Variants in KIAA1217 observed in about 807,000 individuals in gnomAD.
The protein encoded by KIAA1217 is sickle tail protein homolog.
KIAA1217 carries 88 observed loss-of-function variants against 163.9 expected under a neutral mutation model. That is an observed-to-expected ratio of 0.54 (90% CI 0.45 to 0.64). The LOEUF (loss-of-function observed/expected upper bound fraction) is 0.64, where lower values mean the gene tolerates loss of function less well. Among genes scored for constraint, KIAA1217 ranks in the 30% least tolerant of loss-of-function variants. KIAA1217 has a pLI of 0.00. For synonymous variants in KIAA1217, 903 were observed against 923.1 expected, an observed-to-expected ratio of 0.98 and a Z score of 0.39; for missense variants, 2,372 against 2,475.0, an observed-to-expected ratio of 0.96 and a Z score of 0.88.
chr10:24,048,688 C>A (rs887511445), intron 2 of KIAA1217, among the ~76,000 whole-genome samples: 4 of 150,410 alleles, frequency 2.7e-5, no homozygotes, highest in Non-Finnish European at 5.9e-5. Flanking sequence ...CAAGATCATA[C>A]CCCTGCACCC....
At chr10:23,879,285 G>A (rs1185538234) in intron 1 of KIAA1217, among the ~76,000 whole-genome samples, 1 of 151,842 alleles carries the variant, frequency 6.6e-6, no homozygotes, top group Non-Finnish European at 1.5e-5. Flanking sequence ...TTGTGACTTA[G>A]GTTAAGTACC....
intron 1 of KIAA1217, among the ~76,000 whole-genome samples, chr10:23,843,244 A>G (rs1838872945): frequency 6.6e-6 from 1 of 152,198 alleles, no homozygotes; most frequent in Admixed American, 6.6e-5. Context: ...AATTACAGCA[A>G]GGAAATCAAG....
intron 2 of KIAA1217, among the ~76,000 whole-genome samples, chr10:24,159,427 C>T (rs1358031885): frequency 6.6e-6 from 1 of 152,078 alleles, no homozygotes; most frequent in African/African-American, 2.4e-5. Context: ...CCAGCAATTC[C>T]ACTCCTAGGA....
At chr10:24,414,221 G>A (rs1022461772) in intron 3 of KIAA1217, among the ~76,000 whole-genome samples, 3 of 152,160 alleles carry the variant, frequency 2.0e-5, no homozygotes, top group Admixed American at 1.3e-4. Context: ...TGCCACATAG[G>A]TTGAATTATC....
intron 2 of KIAA1217, among the ~76,000 whole-genome samples, chr10:24,111,838 G>A (rs1387822418): frequency 2.0e-5 from 3 of 152,328 alleles, no homozygotes; most frequent in African/African-American, 7.2e-5. Context: ...TGTGAACACA[G>A]TTCACTGCAG....
At chr10:23,720,545 G>T (rs1204594658) in intron 1 of KIAA1217, among the ~76,000 whole-genome samples, 3 of 152,112 alleles carry the variant, frequency 2.0e-5, no homozygotes, top group Admixed American at 2.0e-4. Context: ...GGAGTGGGTG[G>T]CATAAGAGGC....
chr10:23,711,953 TCA>T (rs1209493888), intron 1 of KIAA1217, among the ~76,000 whole-genome samples: 1 of 152,050 alleles, frequency 6.6e-6, no homozygotes, highest in African/African-American at 2.4e-5. Context: ...CCTAAGTGAG[TCA>T]CAGGAGGATG....
At chr10:24,539,948 A>G (rs1017792905) in intron 17 of KIAA1217, among the ~76,000 whole-genome samples, 1 of 152,164 alleles carries the variant, frequency 6.6e-6, no homozygotes, top group African/African-American at 2.4e-5. Context: ...TTGTCTTCAT[A>G]ATCCAAATCC....
At chr10:24,271,735 A>G (rs536822714) in intron 2 of KIAA1217, among the ~76,000 whole-genome samples, 1 of 152,036 alleles carries the variant, frequency 6.6e-6, no homozygotes, top group African/African-American at 2.4e-5. Context: ...CCTGGGTGAC[A>G]GAGTGAGACC....
chr10:24,234,616 G>A (rs2071935763), intron 2 of KIAA1217, among the ~76,000 whole-genome samples: 1 of 136,046 alleles, frequency 7.4e-6, no homozygotes, highest in Non-Finnish European at 1.5e-5. Flanking sequence ...CCGAGATCAT[G>A]CCGCTGCACT....
chr10:23,923,797 T>TTTTTTGTTTG (rs1481444713), intron 1 of KIAA1217, among the ~76,000 whole-genome samples: 1 of 152,168 alleles, frequency 6.6e-6, no homozygotes, highest in African/African-American at 2.4e-5. Context: ...ATCTGAGTGG[T>TTTTTTGTTTG]TTTTTGTTTG....
intron 3 of KIAA1217, among the ~76,000 whole-genome samples, chr10:24,429,274 A>G (rs573754797): frequency 1.3e-5 from 2 of 152,210 alleles, no homozygotes; most frequent in South Asian, 4.1e-4. Flanking sequence ...TGTTTTCCCC[A>G]TCTTCTGGAA....
At chr10:24,480,439 G>A (rs192403814) in intron 6 of KIAA1217, among the ~76,000 whole-genome samples, 2 of 152,318 alleles carry the variant, frequency 1.3e-5, no homozygotes, top group East Asian at 3.9e-4. Flanking sequence ...AACTTGTAAT[G>A]GACTTCCAAG....
intron 2 of KIAA1217, among the ~76,000 whole-genome samples, chr10:24,363,191 A>C (rs1418324771): frequency 6.6e-6 from 1 of 152,232 alleles, no homozygotes; most frequent in South Asian, 2.1e-4. Context: ...GACCGTTTGA[A>C]GTACTGTACG....
chr10:23,766,423 C>T (rs1160630329), intron 1 of KIAA1217, among the ~76,000 whole-genome samples: 3 of 152,242 alleles, frequency 2.0e-5, no homozygotes, highest in South Asian at 4.2e-4. Flanking sequence ...TTTTTCAGTC[C>T]TAATGTTAAC....
At chr10:24,009,287 T>C (rs1294071812) in intron 2 of KIAA1217, among the ~76,000 whole-genome samples, 1 of 152,036 alleles carries the variant, frequency 6.6e-6, no homozygotes, top group Non-Finnish European at 1.5e-5. Flanking sequence ...TGGAGAAGAA[T>C]AATAGAAGGC....
intron 1 of KIAA1217, among the ~76,000 whole-genome samples, chr10:23,945,075 A>G (rs35093472): frequency 0.035 from 5,166 of 146,384 alleles, 124 homozygotes; most frequent in Non-Finnish European, 0.055. Context: ...AAAAAAAAAA[A>G]GGGTTTTAAC....
chr10:23,916,989 G>C (rs763338503), intron 1 of KIAA1217, among the ~76,000 whole-genome samples: 11 of 121,076 alleles, frequency 9.1e-5, no homozygotes, highest in Non-Finnish European at 1.9e-4. Context: ...AAAAAAAAAA[G>C]GTTTGTCTTA....
intron 2 of KIAA1217, among the ~76,000 whole-genome samples, chr10:24,133,635 G>A (rs958096351): frequency 7.9e-5 from 12 of 152,062 alleles, no homozygotes; most frequent in African/African-American, 2.2e-4. Flanking sequence ...CAACCCTGGG[G>A]ATGGAAGCTG....
Sources: allele counts gnomAD v4.1 joint callset (sites outside exome capture counted in the v4.1 genomes callset), GRCh38; gene constraint gnomAD v4.1.1; transcripts MANE v1.5; gene names NCBI Gene and HGNC (gene_info 2026-07-23, HGNC 2026-07-21).